Variants in SDK1 observed in about 807,000 individuals in gnomAD.
SDK1 encodes protein sidekick-1.
Under a neutral mutation model 245.5 loss-of-function variants are expected in SDK1, and 157 were observed. The observed-to-expected ratio is 0.64, with a 90% CI of 0.56 to 0.73. SDK1 has a LOEUF of 0.73. SDK1 is among the 30% of genes least tolerant of loss of function. SDK1 has a pLI of 0.00. For synonymous variants in SDK1, 1,647 were observed against 1,278.5 expected, an observed-to-expected ratio of 1.29 and a Z score of -6.15; for missense variants, 3,583 against 3,002.3, an observed-to-expected ratio of 1.19 and a Z score of -4.52.
chr7:4,131,029 G>A (rs1223207851), intron 27 of SDK1, among the ~76,000 whole-genome samples: 1 of 152,174 alleles, frequency 6.6e-6, no homozygotes, highest in African/African-American at 2.4e-5. Flanking sequence ...CCTGCAGAAG[G>A]CTTTGTCCAT....
intron 4 of SDK1, among the ~76,000 whole-genome samples, chr7:3,748,270 G>C (rs916814362): frequency 6.6e-5 from 10 of 152,136 alleles, no homozygotes; most frequent in Non-Finnish European, 1.3e-4. Context: ...CTGTGTAGCA[G>C]GATAGAGGCT....
Position 4,268,513 on chromosome 7 carries a change from C to T in SDK1, c.*3129C>T, listed in dbSNP as rs373542973. 5.1e-5 allele frequency: 61 copies of T among 1,206,464 alleles called. 1 individual carries two copies. The South Asian group carries it at 5.4e-4, about 11-fold the overall frequency. The allele number at this position is 1,206,464 out of a possible 1,614,324, so 74.7% of individuals were successfully genotyped here. On this transcript the variant is annotated 3_prime_UTR_variant, in exon 45 of 45. Transcript: ENST00000404826. Reference sequence around the variant, plus strand: ...CGAGGGGCCCCAGGGAGAGGGGACCCAGATGGCCACACACGGAACGCGCCT... The same window carrying T: ...CGAGGGGCCCCAGGGAGAGGGGACCTAGATGGCCACACACGGAACGCGCCT...
chr7:3,865,783 C>A (rs371131124), intron 5 of SDK1, among the ~76,000 whole-genome samples: 4 of 152,024 alleles, frequency 2.6e-5, no homozygotes, highest in African/African-American at 7.2e-5. Flanking sequence ...CAGGCATGAG[C>A]CACTATGTCT....
At chr7:3,455,017 G>C (rs937994661) in intron 1 of SDK1, among the ~76,000 whole-genome samples, 1 of 152,010 alleles carries the variant, frequency 6.6e-6, no homozygotes, top group African/African-American at 2.4e-5. Context: ...TTTTATTTTA[G>C]ATATTCTGAT....
chr7:4,215,401 G>T (rs948850997), intron 38 of SDK1, among the ~76,000 whole-genome samples: 2 of 152,238 alleles, frequency 1.3e-5, no homozygotes, highest in African/African-American at 4.8e-5. Context: ...CAGCCAGCGG[G>T]ACAATAGCTG....
intron 1 of SDK1, among the ~76,000 whole-genome samples, chr7:3,309,384 TC>T (rs1779496129): frequency 2.6e-5 from 4 of 151,850 alleles, no homozygotes; most frequent in African/African-American, 9.7e-5. Flanking sequence ...TTTTTTTTTT[TC>T]CTTCCATGAT....
At chr7:4,180,376 C>CCCGG (rs1562398739) in intron 35 of SDK1, among the ~76,000 whole-genome samples, 37 of 149,328 alleles carry the variant, frequency 2.5e-4, no homozygotes, top group African/African-American at 8.9e-4. Flanking sequence ...ATGCCCAGCG[C>CCCGG]CTGGCTCCAG....
chr7:3,374,337 A>G (rs1387489195), intron 1 of SDK1, among the ~76,000 whole-genome samples: 1 of 152,086 alleles, frequency 6.6e-6, no homozygotes, highest in Non-Finnish European at 1.5e-5. Flanking sequence ...GCACAGGAGG[A>G]CTCACTGTCA....
At chr7:4,090,080 C>T (rs1781688296) in intron 22 of SDK1, among the ~76,000 whole-genome samples, 1 of 152,192 alleles carries the variant, frequency 6.6e-6, no homozygotes, top group Non-Finnish European at 1.5e-5. Context: ...TGATGCTGGG[C>T]ACCTCCTGCT....
At chr7:3,822,630 T>A (rs1437270757) in intron 5 of SDK1, among the ~76,000 whole-genome samples, 4 of 152,066 alleles carry the variant, frequency 2.6e-5, no homozygotes, top group Admixed American at 1.3e-4. Flanking sequence ...TTAGCAGGCA[T>A]GGTGGTATGC....
chr7:3,501,514 T>C (rs747016788), intron 1 of SDK1, among the ~76,000 whole-genome samples: 1 of 152,164 alleles, frequency 6.6e-6, no homozygotes, highest in Non-Finnish European at 1.5e-5. Flanking sequence ...CAGGAGCATG[T>C]TTTTATTTCG....
chr7:3,917,654 G>A (rs530573212), intron 5 of SDK1, among the ~76,000 whole-genome samples: 44 of 152,178 alleles, frequency 2.9e-4, no homozygotes, highest in Non-Finnish European at 4.9e-4. Context: ...AGGGTTAGAG[G>A]AACGTCTATG....
intron 12 of SDK1, among the ~76,000 whole-genome samples, chr7:3,973,765 G>A (rs938151012): frequency 6.6e-6 from 1 of 152,174 alleles, no homozygotes; most frequent in African/African-American, 2.4e-5. Flanking sequence ...GGTCAGACAG[G>A]CAGGGCCAGT....
chr7:3,868,926 G>T (rs187741661), intron 5 of SDK1, among the ~76,000 whole-genome samples: 3 of 152,012 alleles, frequency 2.0e-5, no homozygotes, highest in South Asian at 2.1e-4. Context: ...TCATTGCTCC[G>T]TATGAGAAAA....
chr7:3,658,752 C>G (rs970384936), intron 4 of SDK1, among the ~76,000 whole-genome samples: 1 of 151,906 alleles, frequency 6.6e-6, no homozygotes. Flanking sequence ...GTAGCTGCGA[C>G]TACAGACACC....
At chr7:3,381,529 C>A (rs1420891594) in intron 1 of SDK1, among the ~76,000 whole-genome samples, 1 of 151,956 alleles carries the variant, frequency 6.6e-6, no homozygotes, top group African/African-American at 2.4e-5. Flanking sequence ...GAGACTGGGG[C>A]TCAAGAAAAG....
chr7:4,226,323 A>T (rs531923270), intron 40 of SDK1, among the ~76,000 whole-genome samples: 1 of 152,222 alleles, frequency 6.6e-6, no homozygotes, highest in East Asian at 1.9e-4. Context: ...GCTCGGCCTG[A>T]TGTCTCTCTA....
intron 1 of SDK1, among the ~76,000 whole-genome samples, chr7:3,546,473 A>G (rs193101837): frequency 6.6e-6 from 1 of 152,376 alleles, no homozygotes; most frequent in Admixed American, 6.5e-5. Flanking sequence ...ACAATATCCT[A>G]CAGATTGAGA....
chr7:3,962,215 A>G (rs994571349), intron 8 of SDK1, among the ~76,000 whole-genome samples: 3 of 152,218 alleles, frequency 2.0e-5, no homozygotes, highest in Non-Finnish European at 4.4e-5. Flanking sequence ...CCAAGGTGAC[A>G]CTGTCCGCGA....
Sources: gnomAD v4.1 joint callset for allele counts (sites outside exome capture counted in the v4.1 genomes callset) on GRCh38, gnomAD v4.1.1 for gene constraint, MANE v1.5 for transcripts, NCBI Gene and HGNC (gene_info 2026-07-23, HGNC 2026-07-21) for gene names.